Variants in KHDRBS2 observed in about 807,000 individuals in gnomAD.
The protein encoded by KHDRBS2 is KH domain-containing, RNA-binding, signal transduction-associated protein 2.
KHDRBS2 carries 26 observed loss-of-function variants against 44.3 expected under a neutral mutation model. The observed-to-expected ratio is 0.59, with a 90% CI of 0.43 to 0.81. The LOEUF is 0.81. KHDRBS2 is among the 40% of genes least tolerant of loss of function. The probability of loss-of-function intolerance (pLI) is 0.00; values close to 1 mark genes in which losing one functional copy is unlikely to be tolerated. For missense variants in KHDRBS2, 476 were observed against 433.1 expected (o/e 1.10, Z -0.88); for synonymous variants, 194 against 151.1 (o/e 1.28, Z -2.08).
the KHDRBS2 span, among the ~76,000 whole-genome samples, chr6:61,543,474 G>T: frequency 6.6e-6 from 1 of 151,702 alleles, no homozygotes; most frequent in African/African-American, 2.4e-5. Flanking sequence ...TGGAGAAAAG[G>T]GAACCCTCAT....
downstream of KHDRBS2, among the ~76,000 whole-genome samples, chr6:61,677,716 A>G (rs565057589): frequency 3.3e-5 from 5 of 151,878 alleles, no homozygotes; most frequent in South Asian, 4.2e-4. Flanking sequence ...AACCCATAGT[A>G]TTTTCAGGCT....
At chr6:62,017,750 G>A (rs1043231789) in intron 3 of KHDRBS2, among the ~76,000 whole-genome samples, 3 of 152,014 alleles carry the variant, frequency 2.0e-5, no homozygotes, top group Non-Finnish European at 4.4e-5. Context: ...CTGTAATTTT[G>A]GATAACAATT....
At chr6:61,995,283 TAA>T (rs1415936533) in intron 3 of KHDRBS2, among the ~76,000 whole-genome samples, 1 of 152,188 alleles carries the variant, frequency 6.6e-6, no homozygotes, top group Non-Finnish European at 1.5e-5. Flanking sequence ...TGTCAAGTGA[TAA>T]AATTGCTAAT....
chr6:61,673,061 A>G, the KHDRBS2 span, among the ~76,000 whole-genome samples: 17 of 151,720 alleles, frequency 1.1e-4, no homozygotes, highest in East Asian at 3.1e-3. Context: ...AGCTTTCTAC[A>G]TATGGCTAGC....
At chr6:62,108,904 C>T (rs1412316163) in intron 2 of KHDRBS2, among the ~76,000 whole-genome samples, 1 of 152,036 alleles carries the variant, frequency 6.6e-6, no homozygotes, top group African/African-American at 2.4e-5. Context: ...AATGAGAACA[C>T]ATGGACACAG....
chr6:62,252,024 G>A (rs924533435), intron 1 of KHDRBS2, among the ~76,000 whole-genome samples: 50 of 151,836 alleles, frequency 3.3e-4, no homozygotes, highest in Non-Finnish European at 1.0e-4. Flanking sequence ...AGGAGGAGGA[G>A]AAGATTCTTG....
downstream of KHDRBS2, among the ~76,000 whole-genome samples, chr6:61,679,222 A>C (rs780474373): frequency 4.1e-4 from 63 of 151,990 alleles, no homozygotes; most frequent in Non-Finnish European, 5.6e-4. Flanking sequence ...CAAGTCTTTC[A>C]CTTTCTTTTT....
At position 61,680,017 on chromosome 6, in the gene KHDRBS2, A is replaced by G. The variant is rs965142533; in HGVS notation, c.*946T>C. On this transcript the variant is annotated 3_prime_UTR_variant, in exon 9 of 9. Transcript: ENST00000281156. Reference sequence around the variant, plus strand: ...ATTTTTTTCCATTAACATGTTATACATTAGTGTTTACTAACCATGATTCAT... The same window carrying G: ...ATTTTTTTCCATTAACATGTTATACGTTAGTGTTTACTAACCATGATTCAT... 6.6e-6 allele frequency: 1 copy of G among 152,018 alleles called. No homozygotes were observed. Among genetic ancestry groups the G allele is most frequent in the African/African-American group, 2.4e-5 (1 of 41,416 alleles). 9.4% of individuals were successfully genotyped at this position (152,018 alleles called of 1,614,324 possible).
chr6:62,234,026 G>A (rs1425626104), intron 1 of KHDRBS2, among the ~76,000 whole-genome samples: 1 of 151,530 alleles, frequency 6.6e-6, no homozygotes, highest in Non-Finnish European at 1.5e-5. Flanking sequence ...TGTGTGAAAT[G>A]GTATTTCTGT....
chr6:61,655,953 G>A, the KHDRBS2 span, among the ~76,000 whole-genome samples: 2 of 152,012 alleles, frequency 1.3e-5, no homozygotes, highest in African/African-American at 4.8e-5. Flanking sequence ...GGAAGTTTGG[G>A]CCCCATCTGT....
chr6:61,762,596 A>G (rs1425258549), intron 6 of KHDRBS2, among the ~76,000 whole-genome samples: 1 of 152,000 alleles, frequency 6.6e-6, no homozygotes. Context: ...CATGCTGGCT[A>G]CTCTACACCT....
chr6:61,865,170 A>G (rs1797596200), intron 6 of KHDRBS2, among the ~76,000 whole-genome samples: 1 of 152,056 alleles, frequency 6.6e-6, no homozygotes, highest in Non-Finnish European at 1.5e-5. Context: ...CAGTACCTGC[A>G]TTGTTTTATC....
At chr6:61,776,157 C>A (rs1332318385) in intron 6 of KHDRBS2, among the ~76,000 whole-genome samples, 2 of 152,190 alleles carry the variant, frequency 1.3e-5, no homozygotes, top group Non-Finnish European at 1.5e-5. Flanking sequence ...GGATCAAAGA[C>A]TTACATGTTA....
chr6:62,270,278 TCTCTCTCTCTCTCTCTCTCTCTC>T (rs1463249298), intron 1 of KHDRBS2, among the ~76,000 whole-genome samples: 3 of 117,620 alleles, frequency 2.6e-5, no homozygotes, highest in Non-Finnish European at 3.3e-5. Flanking sequence ...TGGAACCCCA[TCTCTCTCTCTCTCTCTCTCTCTC>T]CTCTCTCTCT....
chr6:61,958,334 T>TCTC (rs1415136834), intron 4 of KHDRBS2, among the ~76,000 whole-genome samples: 1 of 152,118 alleles, frequency 6.6e-6, no homozygotes, highest in Non-Finnish European at 1.5e-5. Flanking sequence ...TAGGTTCCCC[T>TCTC]CTCCTCATCA....
rs551378929 is a variant in KHDRBS2, at chr6:62,091,048, T to A, written c.220-43054A>T. On this transcript the variant is annotated intron_variant, in intron 2 of 8. Transcript: ENST00000281156. ...TGTCAGGGCCTGTCATACTGTTCAT[T>A]GCAACCTAGCTGTTGCTCTGCCATC... Among the ~76,000 whole-genome samples the A allele has an allele frequency of 9.9e-5, 15 of 152,258 alleles. No homozygotes were observed. The East Asian group carries it at 2.7e-3, about 28-fold the overall frequency.
chr6:61,856,139 T>C (rs1047127156), intron 6 of KHDRBS2, among the ~76,000 whole-genome samples: 1 of 152,144 alleles, frequency 6.6e-6, no homozygotes, highest in Non-Finnish European at 1.5e-5. Context: ...AGATATTTGA[T>C]GTTAACATTT....
chr6:61,632,072 C>T, the KHDRBS2 span, among the ~76,000 whole-genome samples: 3 of 152,054 alleles, frequency 2.0e-5, no homozygotes, highest in Admixed American at 6.6e-5. Context: ...GCCCTTTATC[C>T]TTTTGTTTAA....
At chr6:61,608,520 T>C in the KHDRBS2 span, among the ~76,000 whole-genome samples, 1 of 152,100 alleles carries the variant, frequency 6.6e-6, no homozygotes, top group Non-Finnish European at 1.5e-5. Context: ...ACAGGTGCCA[T>C]GGTGGTTTGC....
Sources: allele counts gnomAD v4.1 joint callset (sites outside exome capture counted in the v4.1 genomes callset), GRCh38; gene constraint gnomAD v4.1.1; transcripts MANE v1.5; gene names NCBI Gene and HGNC (gene_info 2026-07-23, HGNC 2026-07-21).